The following LRP1B variants were observed in gnomAD, a reference collection of about 807,000 sequenced individuals.
LRP1B encodes the protein LDL receptor related protein 1B.
A neutral mutation model predicts 556.6 loss-of-function variants in LRP1B; 217 were observed. The observed-to-expected ratio is 0.39, with a 90% confidence interval of 0.35 to 0.44. LRP1B has a LOEUF of 0.44. LRP1B is among the 20% of genes least tolerant of loss of function. The probability of loss-of-function intolerance (pLI) is 1.00; values close to 1 mark genes in which losing one functional copy is unlikely to be tolerated. For synonymous variants in LRP1B, 2,047 were observed against 1,865.8 expected (o/e 1.10, Z -2.50); for missense variants, 5,053 against 5,620.8 (o/e 0.90, Z 3.23).
chr2:141,417,235 T>TA (rs1298941791), intron 3 of LRP1B, among the ~76,000 whole-genome samples: 3 of 152,186 alleles, frequency 2.0e-5, no homozygotes, highest in Admixed American at 6.5e-5. Flanking sequence ...TTATTGTGGT[T>TA]AAAAAAACTC....
intron 7 of LRP1B, among the ~76,000 whole-genome samples, chr2:141,107,902 G>C (rs570879910): frequency 6.6e-6 from 1 of 152,136 alleles, no homozygotes; most frequent in African/African-American, 2.4e-5. Flanking sequence ...AGTGAAGTTT[G>C]CTATTTAAAA....
intron 7 of LRP1B, among the ~76,000 whole-genome samples, chr2:141,094,417 T>C (rs1172833555): frequency 6.6e-6 from 1 of 152,148 alleles, no homozygotes; most frequent in Non-Finnish European, 1.5e-5. Context: ...CTAATTTTAG[T>C]GTTTAAGGGG....
intron 18 of LRP1B, among the ~76,000 whole-genome samples, chr2:140,964,793 C>T (rs547116771): frequency 5.3e-4 from 81 of 152,236 alleles, no homozygotes; most frequent in Non-Finnish European, 7.6e-4. Flanking sequence ...ACTGGAACAG[C>T]TCGTGTCCTC....
At chr2:141,873,837 G>C (rs1381678550) in intron 1 of LRP1B, among the ~76,000 whole-genome samples, 1 of 151,616 alleles carries the variant, frequency 6.6e-6, no homozygotes, top group Non-Finnish European at 1.5e-5. Context: ...AGCAAATTTG[G>C]ACCACTTTTT....
rs1699138636 is a variant in LRP1B, at chr2:141,055,038, G to A, written c.1552+78C>T. 1.1e-5 allele frequency: 17 copies of A among 1,515,188 alleles called. No individual in the cohort carries two copies. In the South Asian group the frequency reaches 2.1e-4, roughly 19 times the overall value. The allele number at this position is 1,515,188 out of a possible 1,614,324, so 93.9% of individuals were successfully genotyped here. ...GTTGAAGTCTCATGTTATGACTGAT[G>A]TTGATGCTGCTAATTAATACTTAAA... On this transcript the variant is annotated intron_variant, in intron 10 of 90. Transcript: ENST00000389484.
intron 2 of LRP1B, among the ~76,000 whole-genome samples, chr2:141,540,282 C>T (rs963875519): frequency 1.1e-4 from 16 of 148,108 alleles, no homozygotes; most frequent in African/African-American, 3.7e-4. Context: ...GTATGCAAGT[C>T]ATTTTTGTTA....
intron 11 of LRP1B, among the ~76,000 whole-genome samples, chr2:141,023,866 G>A (rs534691555): frequency 1.3e-5 from 2 of 152,074 alleles, no homozygotes; most frequent in South Asian, 4.1e-4. Flanking sequence ...TTTATCCAGT[G>A]TTATCTATCC....
chr2:141,978,568 C>G (rs2105090393), intron 1 of LRP1B, among the ~76,000 whole-genome samples: 1 of 151,748 alleles, frequency 6.6e-6, no homozygotes, highest in South Asian at 2.1e-4. Context: ...AAATTTTTAT[C>G]CAAGGTATGA....
At position 140,670,606 on chromosome 2, in the gene LRP1B, C is replaced by T. The variant is rs555325567; in HGVS notation, c.6799+29644G>A. ...GTATATAGAAGATTGGATATTTATTCCCTGAAGGGTAAAACATAGGTTCTC... is the reference window on the plus strand; with the variant it reads ...GTATATAGAAGATTGGATATTTATTTCCTGAAGGGTAAAACATAGGTTCTC... On this transcript the variant is annotated intron_variant, in intron 41 of 90. Coordinates refer to ENST00000389484, the MANE Select transcript of LRP1B (RefSeq NM_018557.3). Among the ~76,000 whole-genome samples, 3 of 152,144 alleles carry T rather than the reference C, an allele frequency of 2.0e-5. No individual in the cohort carries two copies. The East Asian group carries it at 5.8e-4, about 29-fold the overall frequency.
chr2:141,689,583 C>A (rs1173941346), intron 2 of LRP1B, among the ~76,000 whole-genome samples: 1 of 151,604 alleles, frequency 6.6e-6, no homozygotes, highest in Non-Finnish European at 1.5e-5. Context: ...TTTAGAGAAA[C>A]AAAACTCATA....
chr2:141,455,238 T>C (rs191186989), intron 3 of LRP1B, among the ~76,000 whole-genome samples: 44 of 150,624 alleles, frequency 2.9e-4, no homozygotes, highest in African/African-American at 9.7e-4. Context: ...TGAATAACCA[T>C]CTTAATCATT....
At chr2:140,453,082 A>G (rs905756606) in intron 62 of LRP1B, among the ~76,000 whole-genome samples, 2 of 151,588 alleles carry the variant, frequency 1.3e-5, no homozygotes, top group Admixed American at 6.6e-5. Flanking sequence ...TCATTACAAT[A>G]TATTAAAACA....
chr2:140,906,647 G>T (rs1275670055), intron 22 of LRP1B, among the ~76,000 whole-genome samples: 1 of 152,036 alleles, frequency 6.6e-6, no homozygotes, highest in African/African-American at 2.4e-5. Flanking sequence ...ATTTAAGCTT[G>T]TTGAAGTCTA....
At chr2:141,634,533 T>TC (rs1239481273) in intron 2 of LRP1B, among the ~76,000 whole-genome samples, 1 of 151,962 alleles carries the variant, frequency 6.6e-6, no homozygotes, top group African/African-American at 2.4e-5. Context: ...ACTAAAGACT[T>TC]CTTAATCTTA....
intron 2 of LRP1B, among the ~76,000 whole-genome samples, chr2:141,629,776 T>C (rs1276243719): frequency 1.3e-5 from 2 of 152,128 alleles, no homozygotes; most frequent in Non-Finnish European, 2.9e-5. Flanking sequence ...AATCTAAGGT[T>C]AATATATCAA....
At chr2:142,126,655 T>C (rs755514048) in intron 1 of LRP1B, among the ~76,000 whole-genome samples, 1 of 151,890 alleles carries the variant, frequency 6.6e-6, no homozygotes, top group Non-Finnish European at 1.5e-5. Context: ...TCTATCAGTA[T>C]GTTTGATTGG....
rs2104967146 is a variant in LRP1B at position 140,525,871 on chromosome 2, C to G, written c.7999G>C (p.Asp2667His). The G allele has an allele frequency of 6.2e-7, 1 of 1,612,136 alleles. No homozygotes were observed. The highest frequency in any genetic ancestry group is 8.5e-7 in the Non-Finnish European group (1 of 1,178,710). The change falls in exon 49 of 91, where the codon GAC (aspartate) becomes CAC (histidine). Residue 2667 changes from aspartate (D) to histidine (H), a missense_variant. Coordinates refer to ENST00000389484, the MANE Select transcript of LRP1B (RefSeq NM_018557.3). ...WICDGSNDCGDYSDELKCPVQ... is the reference protein window; with the variant it reads ...WICDGSNDCGHYSDELKCPVQ... ...GGGCACTTTAATTCATCTGAATAGT[C>G]TCCACAGTCATTAGACCCGTCGCAT...
intron 31 of LRP1B, among the ~76,000 whole-genome samples, chr2:140,825,996 C>G (rs1405808095): frequency 1.3e-5 from 2 of 152,112 alleles, no homozygotes; most frequent in Non-Finnish European, 2.9e-5. Flanking sequence ...AGATTATACT[C>G]AAAAATCTGG....
intron 86 of LRP1B, among the ~76,000 whole-genome samples, chr2:140,260,795 C>A (rs1462475805): frequency 1.3e-5 from 2 of 151,784 alleles, no homozygotes; most frequent in Non-Finnish European, 2.9e-5. Context: ...TTCCATATCC[C>A]TCTTTTCTGC....
Sources: allele counts gnomAD v4.1 joint callset (sites outside exome capture counted in the v4.1 genomes callset), GRCh38; gene constraint gnomAD v4.1.1; transcripts MANE v1.5; gene names NCBI Gene and HGNC (gene_info 2026-07-23, HGNC 2026-07-21).